The following ETV1 variants were observed in gnomAD, a reference collection of about 807,000 sequenced individuals.
ETV1 encodes ETS variant transcription factor 1, also known as ETS translocation variant 1.
ETV1 carries 27 observed loss-of-function variants against 62.3 expected under a neutral mutation model. That is an observed-to-expected ratio of 0.43 (90% CI 0.32 to 0.60). The LOEUF (loss-of-function observed/expected upper bound fraction) is 0.60. Among genes scored for constraint, ETV1 ranks in the 20% least tolerant of loss-of-function variants. The pLI, the probability that ETV1 is intolerant of heterozygous loss-of-function variation, is 0.06. For missense variants in ETV1, 605 were observed against 605.8 expected (o/e 1.00, Z 0.01); for synonymous variants, 222 against 199.6 (o/e 1.11, Z -0.94).
intron 11 of ETV1, 46 bp from the exon 12 acceptor site, chr7:13,906,645 T>C: frequency 2.2e-6 from 3 of 1,374,524 alleles, no homozygotes; most frequent in South Asian, 1.5e-5. Context: ...AATACTATGC[T>C]ATCTTACATA....
intron 5 of ETV1, among the ~76,000 whole-genome samples, chr7:13,978,128 C>A (rs1443344910): frequency 2.0e-5 from 3 of 152,108 alleles, no homozygotes; most frequent in Admixed American, 6.6e-5. Flanking sequence ...CAAATGTCAT[C>A]TTTTCATTCA....
chr7:13,900,064 G>C (rs1782254942), intron 13 of ETV1, among the ~76,000 whole-genome samples: 1 of 152,198 alleles, frequency 6.6e-6, no homozygotes, highest in Admixed American at 6.5e-5. Flanking sequence ...GGGGGACTGA[G>C]GTTGCAGTGA....
Position 13,892,258 on chromosome 7 carries a change from T to C in ETV1, c.*3608A>G, listed in dbSNP as rs1781432898. 2 of 232,482 alleles carry C rather than the reference T, an allele frequency of 8.6e-6. No homozygotes were observed. The highest frequency in any genetic ancestry group is 3.6e-4 in the South Asian group (2 of 5,520). 14.4% of individuals were successfully genotyped at this position (232,482 alleles called of 1,614,324 possible). A position where few individuals can be genotyped will look rare whatever the true frequency, so the allele number is the denominator to read the frequency against. ...TTATTACTATTATTATCATACCTTC[T>C]GTTTTTCTGTTTCATGACTTAGTGT... On this transcript the variant is annotated 3_prime_UTR_variant, in exon 14 of 14. Coordinates refer to ENST00000430479, the MANE Select transcript of ETV1 (RefSeq NM_004956.5).
intron 6 of ETV1, among the ~76,000 whole-genome samples, chr7:13,964,939 TC>T (rs1318015649): frequency 6.6e-6 from 1 of 152,166 alleles, no homozygotes; most frequent in African/African-American, 2.4e-5. Context: ...ATATCATTAA[TC>T]TTTATCGTCT....
chr7:13,918,936 T>A lies in ETV1; in HGVS notation c.803-7629A>T, dbSNP rs926074913. Among the ~76,000 whole-genome samples the A allele has an allele frequency of 2.0e-5, 3 of 152,112 alleles. No homozygotes were observed. In the East Asian group the frequency reaches 5.8e-4, roughly 29 times the overall value. On this transcript the variant is annotated intron_variant, in intron 9 of 13. Transcript: ENST00000430479. ...TCTTGCTGGACTAGCACAATATGAT[T>A]GTTTTAAGAGTATTGTCTCTCTTAT...
rs776337760 is a variant in ETV1 at position 13,931,579 on chromosome 7, A to T, written c.725T>A (p.Val242Asp). 6.2e-7 allele frequency: 1 copy of T among 1,614,016 alleles called. No homozygotes were observed. Among genetic ancestry groups the T allele is most frequent in the South Asian group, 1.1e-5 (1 of 91,086 alleles). Residue 242 changes from valine to aspartate, a missense_variant, in exon 9 of 14, where the codon GTT (valine) becomes GAT (aspartate). Val to Asp is a radical substitution (Grantham distance 152, BLOSUM62 -3). Around this residue, in one of 3 missense-constraint regions of ETV1, gnomAD observed 426 missense variants for 377.8 expected, o/e 1.13. Transcript: ENST00000430479. ...HDPVYEHNTM[V>D]GSAASQSFPP... ...AAAGCTTTGGCTGGCCGCACTGCCA[A>T]CCATGGTGTTGTGTTCATACACTGG...
At chr7:13,925,610 G>C (rs1785324405) in intron 9 of ETV1, among the ~76,000 whole-genome samples, 1 of 150,964 alleles carries the variant, frequency 6.6e-6, no homozygotes, top group Non-Finnish European at 1.5e-5. Flanking sequence ...CTGCTGCCCA[G>C]GCTGGAGTGC....
chr7:13,981,057 AC>A (rs1781931115), intron 5 of ETV1, among the ~76,000 whole-genome samples: 1 of 151,768 alleles, frequency 6.6e-6, no homozygotes, highest in South Asian at 2.1e-4. Flanking sequence ...GGAAGCGAAA[AC>A]CCTCCTATTC....
chr7:13,919,896 G>C (rs1784634789), intron 9 of ETV1, among the ~76,000 whole-genome samples: 1 of 151,950 alleles, frequency 6.6e-6, no homozygotes, highest in Non-Finnish European at 1.5e-5. Context: ...CACACAGAGA[G>C]AGAGAGAGAG....
intron 6 of ETV1, among the ~76,000 whole-genome samples, chr7:13,950,551 C>A (rs1459189054): frequency 6.6e-6 from 1 of 152,136 alleles, no homozygotes; most frequent in Non-Finnish European, 1.5e-5. Context: ...GACTGGTGGC[C>A]TTCGGATGAA....
intron 6 of ETV1, among the ~76,000 whole-genome samples, chr7:13,969,909 G>A (rs1166811965): frequency 6.6e-6 from 1 of 152,016 alleles, no homozygotes; most frequent in African/African-American, 2.4e-5. Flanking sequence ...GCAGGAACGG[G>A]GAATAATTTT....
chr7:13,946,899 C>T (rs894770432), intron 6 of ETV1, among the ~76,000 whole-genome samples: 2 of 152,192 alleles, frequency 1.3e-5, no homozygotes, highest in Admixed American at 6.5e-5. Flanking sequence ...AGTGATTCTC[C>T]GGCCTCAGCC....
At chr7:13,928,184 T>C (rs1483338792) in intron 9 of ETV1, among the ~76,000 whole-genome samples, 1 of 152,220 alleles carries the variant, frequency 6.6e-6, no homozygotes, top group African/African-American at 2.4e-5. Context: ...TCGCCCTTAT[T>C]AGAATTTTAA....
At chr7:13,901,480 G>A (rs1371520636) in intron 12 of ETV1, among the ~76,000 whole-genome samples, 2 of 152,122 alleles carry the variant, frequency 1.3e-5, no homozygotes, top group African/African-American at 4.8e-5. Flanking sequence ...GAGATATACT[G>A]TCTGTTTTAT....
intron 12 of ETV1, among the ~76,000 whole-genome samples, chr7:13,904,141 A>G (rs1012680606): frequency 6.6e-6 from 1 of 152,242 alleles, no homozygotes; most frequent in Non-Finnish European, 1.5e-5. Context: ...AGAAATTTAA[A>G]CAAGACCCTA....
intron 6 of ETV1, among the ~76,000 whole-genome samples, chr7:13,972,314 C>T (rs557010666): frequency 2.8e-4 from 42 of 151,874 alleles, no homozygotes; most frequent in African/African-American, 8.9e-4. Flanking sequence ...TGCCTGTAGT[C>T]CCAGCTACTT....
chr7:13,966,215 T>G (rs1054119751), intron 6 of ETV1, among the ~76,000 whole-genome samples: 3 of 152,196 alleles, frequency 2.0e-5, no homozygotes, highest in Non-Finnish European at 4.4e-5. Flanking sequence ...GATATTCTTG[T>G]CAGTCCCCTA....
chr7:13,904,567 T>C (rs1782757814), intron 12 of ETV1, among the ~76,000 whole-genome samples: 1 of 152,150 alleles, frequency 6.6e-6, no homozygotes, highest in Non-Finnish European at 1.5e-5. Context: ...GATCAAGAAA[T>C]ACTGGCATAA....
chr7:13,902,294 C>T (rs575832063), intron 12 of ETV1, among the ~76,000 whole-genome samples: 5 of 151,732 alleles, frequency 3.3e-5, no homozygotes, highest in South Asian at 2.1e-4. Flanking sequence ...TTAGAAATAC[C>T]GATCCTAGCT....
Sources: allele counts gnomAD v4.1 joint callset (sites outside exome capture counted in the v4.1 genomes callset), GRCh38; gene constraint gnomAD v4.1.1; regional missense constraint gnomAD v4.1.1; transcripts MANE v1.5; gene names NCBI Gene and HGNC (gene_info 2026-07-23, HGNC 2026-07-21).